PCDHGB5: variants seen among roughly 807,000 people sequenced by gnomAD.
PCDHGB5 encodes the protein protocadherin gamma-B5.
Under a neutral mutation model 62.9 loss-of-function variants are expected in PCDHGB5, and 48 were observed. The ratio of observed to expected loss-of-function variants is 0.76; its 90% CI spans 0.61 to 0.97. The LOEUF (loss-of-function observed/expected upper bound fraction) is 0.97. Ranked by LOEUF, PCDHGB5 falls within the 50% of genes least tolerant of loss-of-function variation. The probability of loss-of-function intolerance (pLI) is 0.00; values close to 1 mark genes in which losing one functional copy is unlikely to be tolerated. For synonymous variants in PCDHGB5, 474 were observed against 511.2 expected (o/e 0.93, Z 0.98); for missense variants, 1,118 against 1,198.6 (o/e 0.93, Z 0.99).
chr5:141,422,272 A>T, intron 1 of PCDHGB5: 13 of 1,561,362 alleles, frequency 8.3e-6, no homozygotes, highest in Non-Finnish European at 1.1e-5. Context: ...TCCAGAAATA[A>T]CTATCACCTC....
Position 141,489,712 on chromosome 5 carries a change from C to T in PCDHGB5, c.2398-5095C>T. On this transcript the variant is annotated intron_variant, in intron 1 of 3. Coordinates refer to ENST00000617380, the MANE Select transcript of PCDHGB5 (RefSeq NM_018925.3). The surrounding 1 kb of genome is among the most constrained non-coding windows in gnomAD (Gnocchi z 4.5). The stretch of plus-strand genomic sequence containing the variant: ...GGCACGATTCCCACTGGACAGTGCC[C>T]AGGATCCGGATGTGGGCACCAATAC... The T allele has an allele frequency of 6.2e-7, 1 of 1,614,162 alleles. No individual in the cohort carries two copies. The highest frequency in any genetic ancestry group is 1.1e-5 in the South Asian group (1 of 91,078).
At position 141,487,578 on chromosome 5, in the gene PCDHGB5, C is replaced by T. The variant is rs1293087014; in HGVS notation, c.2398-7229C>T. The T allele has an allele frequency of 1.2e-6, 2 of 1,614,052 alleles. No individual in the cohort carries two copies. Among genetic ancestry groups the T allele is most frequent in the Non-Finnish European group, 1.7e-6 (2 of 1,180,044 alleles). ...CCTATGGCAGGGGAGCCTGTTCGCC[C>T]AAGCTGCCCACCCTCTGATCTTCTC... On this transcript the variant is annotated intron_variant, in intron 1 of 3. Coordinates refer to ENST00000617380, the MANE Select transcript of PCDHGB5 (RefSeq NM_018925.3). The surrounding 1 kb of genome is among the most constrained non-coding windows in gnomAD (Gnocchi z 5.0).
chr5:141,410,817 A>T, intron 1 of PCDHGB5: 1 of 524,252 alleles, frequency 1.9e-6, no homozygotes, highest in Non-Finnish European at 3.1e-6. Context: ...TTGTAAAATA[A>T]TGTCACCAGA....
intron 1 of PCDHGB5, chr5:141,427,741 C>T (rs748636652): frequency 8.1e-7 from 1 of 1,240,376 alleles, no homozygotes; most frequent in Non-Finnish European, 1.2e-6. Context: ...GGCCAAGTCT[C>T]CTACTCCATC....
chr5:141,473,148 C>T (rs1381616255), intron 1 of PCDHGB5, among the ~76,000 whole-genome samples: 1 of 152,184 alleles, frequency 6.6e-6, no homozygotes, highest in Non-Finnish European at 1.5e-5. Flanking sequence ...CTCTTCAGAT[C>T]ACTAGGGCTA....
intron 1 of PCDHGB5, chr5:141,440,430 G>A (rs965990102): frequency 6.6e-6 from 1 of 152,196 alleles, no homozygotes; most frequent in African/African-American, 2.4e-5. Flanking sequence ...CTGGGTGACA[G>A]AGCAAGGCGC....
At position 141,432,204 on chromosome 5, in the gene PCDHGB5, A is replaced by G. The variant is rs1204867610; in HGVS notation, c.2397+31680A>G. On this transcript the variant is annotated intron_variant, in intron 1 of 3. Coordinates refer to ENST00000617380, the MANE Select transcript of PCDHGB5 (RefSeq NM_018925.3). This position sits in a 1 kb window ranked among gnomAD's most constrained non-coding sequence, Gnocchi z 6.0. ...GTGACCGCCCACGACCCCGACTGTG[A>G]AGAGAACGCCCAGATCACTTATTCC... 1.9e-6 allele frequency: 3 copies of G among 1,614,070 alleles called. No homozygotes were observed. Among genetic ancestry groups the G allele is most frequent in the African/African-American group, 2.7e-5 (2 of 74,928 alleles).
intron 1 of PCDHGB5, among the ~76,000 whole-genome samples, chr5:141,481,193 A>G (rs749746998): frequency 1.3e-5 from 2 of 152,216 alleles, no homozygotes; most frequent in Admixed American, 6.5e-5. Context: ...GCCAGGCCCA[A>G]TTTTTTTAAA....
At position 141,487,571 on chromosome 5, in the gene PCDHGB5, G is replaced by A; in HGVS notation, c.2398-7236G>A. The A allele has an allele frequency of 4.3e-6, 7 of 1,614,178 alleles. No individual in the cohort carries two copies. The highest frequency in any genetic ancestry group is 5.9e-6 in the Non-Finnish European group (7 of 1,180,038). On this transcript the variant is annotated intron_variant, in intron 1 of 3. Coordinates refer to ENST00000617380, the MANE Select transcript of PCDHGB5 (RefSeq NM_018925.3). This position sits in a 1 kb window ranked among gnomAD's most constrained non-coding sequence, Gnocchi z 5.0. ...CAGTGCACCTATGGCAGGGGAGCCTGTTCGCCCAAGCTGCCCACCCTCTGA... is the reference window on the plus strand; with the variant it reads ...CAGTGCACCTATGGCAGGGGAGCCTATTCGCCCAAGCTGCCCACCCTCTGA...
At chr5:141,506,609 T>C (rs1375963880) in intron 3 of PCDHGB5, among the ~76,000 whole-genome samples, 1 of 152,184 alleles carries the variant, frequency 6.6e-6, no homozygotes, top group African/African-American at 2.4e-5. Context: ...GATCTCATTG[T>C]GGTGTTACCA....
At chr5:141,421,370 A>G (rs765775416) in intron 1 of PCDHGB5, 4 of 1,613,916 alleles carry the variant, frequency 2.5e-6, no homozygotes, top group African/African-American at 1.3e-5. Flanking sequence ...TTCGTGGGCA[A>G]TATCTCCAAG....
chr5:141,472,865 A>G (rs1329594490), intron 1 of PCDHGB5, among the ~76,000 whole-genome samples: 3 of 149,558 alleles, frequency 2.0e-5, no homozygotes, highest in Non-Finnish European at 4.5e-5. Flanking sequence ...ACATGCCTGT[A>G]TTCCCAGCTA....
In PCDHGB5 at chr5:141,511,284, G is replaced by A; in HGVS notation, c.*111G>A. Reference sequence around the variant, plus strand: ...AGGGCTAACCCCCAGAATACTGGTAGGGGCCAAGGCCATGCTCCCCTTGGG... The same window carrying A: ...AGGGCTAACCCCCAGAATACTGGTAAGGGCCAAGGCCATGCTCCCCTTGGG... On this transcript the variant is annotated 3_prime_UTR_variant, in exon 4 of 4. Coordinates refer to ENST00000617380, the MANE Select transcript of PCDHGB5 (RefSeq NM_018925.3). 6.5e-7 allele frequency: 1 copy of A among 1,528,376 alleles called. No individual in the cohort carries two copies. The highest frequency in any genetic ancestry group is 1.4e-5 in the African/African-American group (1 of 72,796). The allele number at this position is 1,528,376 out of a possible 1,614,324, so 94.7% of individuals were successfully genotyped here.
At position 141,400,027 on chromosome 5, in the gene PCDHGB5, GC is replaced by G. The variant is rs746080003; in HGVS notation, c.1903del (p.Arg635AlafsTer54). On this transcript the variant is annotated frameshift_variant, in exon 1 of 4. Transcript: ENST00000617380. LOFTEE classifies it high-confidence loss of function. ...GCGTGCCTTGGGCGACAGGGACGCG[GC>G]CCGCCAGCGCCTGCTGGTTGCTGTG... ...TARALGDRDA[A>X]RQRLLVAVRD... The G allele has an allele frequency of 5.0e-6, 8 of 1,612,664 alleles. No individual in the cohort carries two copies. The highest frequency in any genetic ancestry group is 1.7e-5 in the Admixed American group (1 of 60,000).
intron 1 of PCDHGB5, chr5:141,413,488 C>T (rs2095648022): frequency 3.1e-6 from 5 of 1,613,868 alleles, no homozygotes; most frequent in Non-Finnish European, 3.4e-6. Context: ...TCAGAGCGCG[C>T]GGTGCGTGGT....
intron 1 of PCDHGB5, among the ~76,000 whole-genome samples, chr5:141,470,888 T>C (rs2099243463): frequency 6.6e-6 from 1 of 151,912 alleles, no homozygotes; most frequent in Non-Finnish European, 1.5e-5. Context: ...GTTTTTGTTT[T>C]TGTTTTTTGT....
chr5:141,428,563 G>A, intron 1 of PCDHGB5: 2 of 237,566 alleles, frequency 8.4e-6, no homozygotes, highest in East Asian at 1.1e-4. Flanking sequence ...CCCCCCACAA[G>A]ATCTTTCTAA....
chr5:141,502,242 CT>C (rs989546500), intron 2 of PCDHGB5, among the ~76,000 whole-genome samples: 27 of 151,950 alleles, frequency 1.8e-4, no homozygotes, highest in African/African-American at 6.3e-4. Context: ...TTCTTTTATC[CT>C]TTTTTTTAAT....
rs999687684 is a variant in PCDHGB5 at position 141,431,598 on chromosome 5, C to G, written c.2397+31074C>G. 1 of 1,614,074 alleles carries G rather than the reference C, an allele frequency of 6.2e-7. No individual in the cohort carries two copies. The highest frequency in any genetic ancestry group is 1.3e-5 in the African/African-American group (1 of 74,938). On this transcript the variant is annotated intron_variant, in intron 1 of 3. Transcript: ENST00000617380. This position sits in a 1 kb window ranked among gnomAD's most constrained non-coding sequence, Gnocchi z 4.8. ...GGAGTCAATGCGGAAGTGAGGTATT[C>G]CTTCCGGTATGTGGACGACAAGGCG...
Sources: gnomAD v4.1 joint callset for allele counts (sites outside exome capture counted in the v4.1 genomes callset) on GRCh38, gnomAD v4.1.1 for gene constraint, Gnocchi (gnomAD v3.1) non-coding constraint, MANE v1.5 for transcripts, NCBI Gene and HGNC (gene_info 2026-07-23, HGNC 2026-07-21) for gene names.